The following PARD3B variants were observed in gnomAD, a reference collection of about 807,000 sequenced individuals.
PARD3B encodes partitioning defective 3 homolog B.
Under a neutral mutation model 130.2 loss-of-function variants are expected in PARD3B, and 103 were observed. The ratio of observed to expected loss-of-function variants is 0.79; its 90% CI spans 0.67 to 0.93. The LOEUF (loss-of-function observed/expected upper bound fraction) is 0.93. Ranked by LOEUF, PARD3B falls within the 40% of genes least tolerant of loss-of-function variation. PARD3B has a pLI of 0.00. For missense variants in PARD3B, 1,609 were observed against 1,499.2 expected (o/e 1.07, Z -1.21); for synonymous variants, 583 against 553.2 (o/e 1.05, Z -0.76).
intron 18 of PARD3B, among the ~76,000 whole-genome samples, chr2:205,359,596 A>C (rs559963491): frequency 3.3e-5 from 5 of 152,296 alleles, no homozygotes; most frequent in Admixed American, 6.5e-5. Context: ...GTAGTGACTT[A>C]AGTGTTTGGG....
intron 21 of PARD3B, among the ~76,000 whole-genome samples, chr2:205,532,464 A>T (rs2051642301): frequency 6.6e-6 from 1 of 152,192 alleles, no homozygotes; most frequent in Admixed American, 6.5e-5. Context: ...CTCAAAGCCA[A>T]CTATTGTTAT....
At chr2:204,891,171 C>G (rs2046430738) in intron 2 of PARD3B, among the ~76,000 whole-genome samples, 1 of 150,692 alleles carries the variant, frequency 6.6e-6, no homozygotes, top group African/African-American at 2.4e-5. Context: ...TGTGTGTTTT[C>G]TCTTAAGTCC....
At chr2:205,445,289 C>A (rs1054333914) in intron 20 of PARD3B, among the ~76,000 whole-genome samples, 7 of 152,124 alleles carry the variant, frequency 4.6e-5, no homozygotes, top group African/African-American at 1.7e-4. Flanking sequence ...TCCTGCTTGA[C>A]GAATGTATTA....
intron 2 of PARD3B, among the ~76,000 whole-genome samples, chr2:204,776,012 A>C (rs1018958949): frequency 6.6e-6 from 1 of 152,064 alleles, no homozygotes; most frequent in Non-Finnish European, 1.5e-5. Context: ...CTTTTTTCCC[A>C]CTTGTTTGTT....
chr2:204,838,766 A>C (rs375103218), intron 2 of PARD3B, among the ~76,000 whole-genome samples: 5 of 152,196 alleles, frequency 3.3e-5, no homozygotes, highest in African/African-American at 1.2e-4. Context: ...GGATATCCCA[A>C]TTATACTTAT....
At chr2:205,604,232 C>T (rs764582608) in intron 22 of PARD3B, among the ~76,000 whole-genome samples, 1 of 152,130 alleles carries the variant, frequency 6.6e-6, no homozygotes, top group Non-Finnish European at 1.5e-5. Flanking sequence ...CTGTTAAAGA[C>T]ATACCCAAGA....
rs558904639 is a variant in PARD3B, at chr2:204,887,744, G to A, written c.223-77408G>A. Among the ~76,000 whole-genome samples, 4 of 152,122 alleles carry A rather than the reference G, an allele frequency of 2.6e-5. No homozygotes were observed. In the East Asian group the frequency reaches 7.7e-4, roughly 29 times the overall value. ...CCCTCAAGCAGAATGCAAGGTAACT[G>A]GAGACATAAAATGAGCACACATGTA... On this transcript the variant is annotated intron_variant, in intron 2 of 22. Transcript: ENST00000406610. This position sits in a 1 kb window ranked among gnomAD's most constrained non-coding sequence, Gnocchi z 4.2.
chr2:205,124,860 G>GACCTGA (rs1468296337), intron 9 of PARD3B, among the ~76,000 whole-genome samples: 5 of 152,264 alleles, frequency 3.3e-5, no homozygotes, highest in Admixed American at 1.3e-4. Context: ...GAGTATCTCA[G>GACCTGA]GTCATTCTAT....
At chr2:204,723,879 G>C (rs1010240149) in intron 2 of PARD3B, among the ~76,000 whole-genome samples, 1 of 152,068 alleles carries the variant, frequency 6.6e-6, no homozygotes, top group South Asian at 2.1e-4. Flanking sequence ...TATATAACCT[G>C]AAAGTAAATT....
At chr2:205,588,396 A>G (rs1301775447) in intron 22 of PARD3B, among the ~76,000 whole-genome samples, 1 of 152,006 alleles carries the variant, frequency 6.6e-6, no homozygotes, top group African/African-American at 2.4e-5. Flanking sequence ...CACTTTTCTT[A>G]TTTTTGTTAT....
chr2:205,388,982 AAG>A (rs1287774250), intron 18 of PARD3B, among the ~76,000 whole-genome samples: 2 of 152,204 alleles, frequency 1.3e-5, no homozygotes, highest in Non-Finnish European at 2.9e-5. Flanking sequence ...AAGCTAAGGA[AAG>A]AGGGGGTGGT....
intron 18 of PARD3B, among the ~76,000 whole-genome samples, chr2:205,360,029 A>G (rs535665379): frequency 5.9e-5 from 9 of 152,242 alleles, no homozygotes; most frequent in Non-Finnish European, 7.3e-5. Context: ...TCACCAATGC[A>G]CAAGCATTCT....
At position 205,564,515 on chromosome 2, in the gene PARD3B, T is replaced by A. The variant is rs962956618; in HGVS notation, c.3260+11112T>A. On this transcript the variant is annotated intron_variant, in intron 22 of 22. Transcript: ENST00000406610. The surrounding 1 kb of genome is among the most constrained non-coding windows in gnomAD (Gnocchi z 4.6). ...TACATATAAACCAGTTGGTTCCACT[T>A]CAGCAATTTTTGTAGCCAGGAAACT... 1.3e-5 allele frequency among the ~76,000 whole-genome samples: 2 copies of A among 152,360 alleles called. No individual in the cohort carries two copies. The highest frequency in any genetic ancestry group is 2.1e-4 in the South Asian group (1 of 4,828).
intron 21 of PARD3B, among the ~76,000 whole-genome samples, chr2:205,546,852 G>C (rs1318812174): frequency 1.3e-5 from 2 of 152,000 alleles, no homozygotes; most frequent in African/African-American, 2.4e-5. Flanking sequence ...ATATTATATA[G>C]CCATTAAAAA....
At chr2:205,064,045 GGCAACGCATTGGGAACA>G (rs1700214903) in intron 4 of PARD3B, among the ~76,000 whole-genome samples, 1 of 152,152 alleles carries the variant, frequency 6.6e-6, no homozygotes, top group East Asian at 1.9e-4. Flanking sequence ...AGATACTGGA[GGCAACGCATTGGGAACA>G]GCCCTGTGGA....
intron 1 of PARD3B, among the ~76,000 whole-genome samples, chr2:204,663,025 C>T (rs115228270): frequency 0.012 from 1,845 of 152,286 alleles, 24 homozygotes; most frequent in African/African-American, 0.042. Flanking sequence ...GCTATGCTAC[C>T]TTTCCTCCCT....
chr2:204,903,808 A>G (rs2046951954), intron 2 of PARD3B, among the ~76,000 whole-genome samples: 1 of 152,200 alleles, frequency 6.6e-6, no homozygotes, highest in South Asian at 2.1e-4. Flanking sequence ...AAGCTTTAAA[A>G]TGGCAAATAG....
rs62641570 is a variant in PARD3B at position 205,057,598 on chromosome 2, C to T, written c.504+9908C>T. ...ATGTGTATGTGTATACGTATATATA[C>T]ATATATGTGTATGTGTATGTGTATA... On this transcript the variant is annotated intron_variant, in intron 4 of 22. Coordinates refer to ENST00000406610, the MANE Select transcript of PARD3B (RefSeq NM_001302769.2). 4.0e-4 allele frequency among the ~76,000 whole-genome samples: 15 copies of T among 37,612 alleles called. No individual in the cohort carries two copies. The East Asian group carries it at 7.2e-3, about 18-fold the overall frequency. The allele number at this position is 37,612 out of a possible 152,430, so 24.7% of individuals were successfully genotyped here.
rs1010952594 is a variant in PARD3B at position 205,124,451 on chromosome 2, G to T, written c.1290G>T (p.Gly430=). Residue 430 remains glycine, a synonymous_variant, in exon 9 of 23, where the codon GGG becomes GGT. Transcript: ENST00000406610. ...AAIKDGRLQS[G]DRILEVNGRD... is the part of the protein sequence containing the mutation. ...TAAAAGATGGCCGCCTACAATCAGG[G>T]GACAGAATTTTGGAGGTAAGAATTG... 7 of 1,590,982 alleles carry T rather than the reference G, an allele frequency of 4.4e-6. No homozygotes were observed. In the African/African-American group the frequency reaches 6.7e-5, roughly 15 times the overall value.
Sources: allele counts gnomAD v4.1 joint callset (sites outside exome capture counted in the v4.1 genomes callset), GRCh38; gene constraint gnomAD v4.1.1; non-coding constraint Gnocchi (gnomAD v3.1); transcripts MANE v1.5; gene names NCBI Gene and HGNC (gene_info 2026-07-23, HGNC 2026-07-21).